Variants in TBC1D5 observed in about 807,000 individuals in gnomAD.
The protein encoded by TBC1D5 is TBC1 domain family member 5.
TBC1D5 carries 75 observed loss-of-function variants against 100.3 expected under a neutral mutation model. That is an observed-to-expected ratio of 0.75 (90% CI 0.62 to 0.91). The LOEUF is 0.91. Ranked by LOEUF, TBC1D5 falls within the 40% of genes least tolerant of loss-of-function variation. TBC1D5 has a pLI of 0.00. For missense variants in TBC1D5, 910 were observed against 942.4 expected (o/e 0.97, Z 0.45); for synonymous variants, 323 against 325.6 (o/e 0.99, Z 0.09).
Position 17,318,058 on chromosome 3 carries a change from T to C in TBC1D5, c.996-9924A>G, listed in dbSNP as rs549702941. On this transcript the variant is annotated intron_variant, in intron 13 of 21. Coordinates refer to ENST00000253692, the Ensembl canonical transcript of TBC1D5. ...AATACTATGCAGCCATAAAAAATGA[T>C]GAGTTCATGTCCTTCGTAGGGACAG... is the stretch of plus-strand genomic sequence containing the variant. 2.9e-3 allele frequency among the ~76,000 whole-genome samples: 449 copies of C among 152,206 alleles called. 1 individual carries two copies. The highest frequency in any genetic ancestry group is 9.4e-3 in the African/African-American group (391 of 41,538).
intron 1 of TBC1D5, among the ~76,000 whole-genome samples, chr3:17,736,676 G>A (rs949077423): frequency 6.6e-6 from 1 of 152,084 alleles, no homozygotes; most frequent in African/African-American, 2.4e-5. Flanking sequence ...CTTCTGCCAG[G>A]TAGCTGCTGG....
intron 4 of TBC1D5, among the ~76,000 whole-genome samples, chr3:17,414,151 G>C (rs2094006118): frequency 6.6e-6 from 1 of 152,162 alleles, no homozygotes; most frequent in South Asian, 2.1e-4. Context: ...GCAATTCTAA[G>C]TAGTAAGATA....
At chr3:17,629,352 A>T (rs2063314387) in intron 1 of TBC1D5, among the ~76,000 whole-genome samples, 1 of 152,242 alleles carries the variant, frequency 6.6e-6, no homozygotes, top group Non-Finnish European at 1.5e-5. Flanking sequence ...AGTGAAATTA[A>T]AACATTCAAA....
intron 2 of TBC1D5, among the ~76,000 whole-genome samples, chr3:17,538,513 T>G (rs1408962198): frequency 6.6e-6 from 1 of 152,174 alleles, no homozygotes; most frequent in Non-Finnish European, 1.5e-5. Flanking sequence ...CCCTTCCAAG[T>G]GTACTGCTTC....
chr3:17,201,825 G>C (rs574225512), intron 18 of TBC1D5, among the ~76,000 whole-genome samples: 93 of 152,246 alleles, frequency 6.1e-4, no homozygotes, highest in Admixed American at 2.1e-3. Context: ...TACAGCATCT[G>C]GAACTTTGAG....
intron 17 of TBC1D5, among the ~76,000 whole-genome samples, chr3:17,223,146 A>G (rs1419438053): frequency 6.6e-6 from 1 of 152,208 alleles, no homozygotes; most frequent in East Asian, 1.9e-4. Flanking sequence ...AAATTACAAT[A>G]TAATAAAACA....
In TBC1D5 at chr3:17,245,624, G is replaced by A. The variant is rs150650194; in HGVS notation, c.1332-7205C>T. On this transcript the variant is annotated intron_variant, in intron 16 of 21. Transcript: ENST00000253692. ...ACGTAAGCTAGACTATGGGGCTTAC[G>A]TAATTGGGGCAACATACAGTTTATA... 8.5e-5 allele frequency among the ~76,000 whole-genome samples: 13 copies of A among 152,240 alleles called. No homozygotes were observed. In the East Asian group the frequency reaches 1.2e-3, roughly 14 times the overall value.
At chr3:17,257,179 GGGGTT>G (rs1396228414) in intron 16 of TBC1D5, among the ~76,000 whole-genome samples, 3 of 152,122 alleles carry the variant, frequency 2.0e-5, no homozygotes, top group Non-Finnish European at 4.4e-5. Flanking sequence ...TAATCTTGTG[GGGGTT>G]GGGAGGGAGG....
chr3:17,474,821 C>T (rs554227996), intron 3 of TBC1D5, among the ~76,000 whole-genome samples: 16 of 152,028 alleles, frequency 1.1e-4, no homozygotes, highest in Admixed American at 4.6e-4. Context: ...AATGGAATGC[C>T]GGAAGGATAA....
intron 1 of TBC1D5, among the ~76,000 whole-genome samples, chr3:17,680,644 T>C: frequency 6.6e-6 from 1 of 151,360 alleles, no homozygotes; most frequent in Non-Finnish European, 1.5e-5. Context: ...TGTGTGATAT[T>C]GTTTTTGTTG....
At chr3:17,729,172 A>C (rs2076360304) in intron 1 of TBC1D5, among the ~76,000 whole-genome samples, 1 of 152,044 alleles carries the variant, frequency 6.6e-6, no homozygotes, top group East Asian at 1.9e-4. Context: ...GCAATGTTCT[A>C]AACAAATTAG....
chr3:17,648,367 T>TA (rs2065205355), intron 1 of TBC1D5, among the ~76,000 whole-genome samples: 1 of 152,016 alleles, frequency 6.6e-6, no homozygotes, highest in Non-Finnish European at 1.5e-5. Flanking sequence ...CCCCAAACTA[T>TA]AAAAATCTTA....
intron 10 of TBC1D5, among the ~76,000 whole-genome samples, 163 bp downstream of exon 10, chr3:17,376,362 C>A (rs1345136567): frequency 6.6e-6 from 1 of 152,078 alleles, no homozygotes; most frequent in Non-Finnish European, 1.5e-5. Context: ...GGCCTAACAA[C>A]AATTAAGTAG....
At chr3:17,717,039 A>T (rs1256392617) in intron 1 of TBC1D5, among the ~76,000 whole-genome samples, 1 of 152,192 alleles carries the variant, frequency 6.6e-6, no homozygotes. Flanking sequence ...ACTTCATTTT[A>T]TGTAAAACTC....
intron 1 of TBC1D5, among the ~76,000 whole-genome samples, chr3:17,686,644 G>A (rs2070324176): frequency 6.6e-6 from 1 of 152,124 alleles, no homozygotes; most frequent in Non-Finnish European, 1.5e-5. Context: ...TCTTCAGTGG[G>A]AAGATTCATT....
intron 16 of TBC1D5, among the ~76,000 whole-genome samples, chr3:17,246,438 T>C (rs1405301614): frequency 6.6e-6 from 1 of 152,114 alleles, no homozygotes; most frequent in Non-Finnish European, 1.5e-5. Flanking sequence ...GTAAAATTTA[T>C]ATGAAAATGC....
At chr3:17,531,522 G>A in intron 2 of TBC1D5, among the ~76,000 whole-genome samples, 1 of 152,096 alleles carries the variant, frequency 6.6e-6, no homozygotes, top group South Asian at 2.1e-4. Flanking sequence ...AGCCCGCATT[G>A]CCAAGTCAAT....
At chr3:17,704,403 T>C (rs1030709126) in intron 1 of TBC1D5, among the ~76,000 whole-genome samples, 48 of 151,646 alleles carry the variant, frequency 3.2e-4, no homozygotes, top group Admixed American at 5.3e-4. Flanking sequence ...AAGCAGCCAT[T>C]GTCATCCTGG....
At chr3:17,658,814 C>T (rs1356327335) in intron 1 of TBC1D5, among the ~76,000 whole-genome samples, 1 of 152,088 alleles carries the variant, frequency 6.6e-6, no homozygotes, top group Non-Finnish European at 1.5e-5. Context: ...AGGCATGCAC[C>T]ACTACACCCC....
Sources: allele counts gnomAD v4.1 joint callset (sites outside exome capture counted in the v4.1 genomes callset), GRCh38; gene constraint gnomAD v4.1.1; transcripts MANE v1.5; gene names NCBI Gene and HGNC (gene_info 2026-07-23, HGNC 2026-07-21).